The following ANHX variants were observed in gnomAD, a reference collection of about 807,000 sequenced individuals.
The protein encoded by ANHX is anomalous homeobox protein.
ANHX carries 20 observed loss-of-function variants against 38.9 expected under a neutral mutation model. The ratio of observed to expected loss-of-function variants is 0.51; its 90% CI spans 0.36 to 0.75. ANHX has a LOEUF of 0.75. ANHX is among the 30% of genes least tolerant of loss of function. The pLI, the probability that ANHX is intolerant of heterozygous loss-of-function variation, is 0.00. For missense variants in ANHX, 475 were observed against 493.1 expected (o/e 0.96, Z 0.35); for synonymous variants, 185 against 203.1 (o/e 0.91, Z 0.76).
intron 4 of ANHX, 108 bp from the exon 5 acceptor site, chr12:133,227,260 C>A: frequency 8.4e-7 from 1 of 1,192,764 alleles, no homozygotes. Flanking sequence ...GGGTGACAGC[C>A]CAGCCTAACC....
chr12:133,235,181 C>T (rs1957349807), intron 1 of ANHX: 1 of 152,286 alleles, frequency 6.6e-6, no homozygotes, highest in African/African-American at 2.4e-5. Context: ...TTCCAGCTGC[C>T]ACAGTGGGCA....
At chr12:133,222,019 G>T (rs1957114417) in intron 7 of ANHX, among the ~76,000 whole-genome samples, 1 of 152,152 alleles carries the variant, frequency 6.6e-6, no homozygotes, top group Non-Finnish European at 1.5e-5. Flanking sequence ...GCCTGGGGGT[G>T]AGGCTCATGT....
At chr12:133,227,258 GC>G in intron 4 of ANHX, 106 bp from the exon 5 acceptor site, 1 of 1,256,532 alleles carries the variant, frequency 8.0e-7, no homozygotes, top group Non-Finnish European at 1.1e-6. Flanking sequence ...GGGGGTGACA[GC>G]CCAGCCTAAC....
intron 3 of ANHX, 95 bp from the exon 4 acceptor site, chr12:133,228,042 T>G: frequency 7.1e-7 from 1 of 1,409,736 alleles, no homozygotes. Flanking sequence ...TGACACTTCC[T>G]TCCCTGTGCC....
Position 133,231,647 on chromosome 12 carries a change from G to A in ANHX, c.250-3C>T, listed in dbSNP as rs1397272324. The A allele has an allele frequency of 3.3e-6, 5 of 1,535,942 alleles. No individual in the cohort carries two copies. The Admixed American group carries it at 9.8e-5, about 30-fold the overall frequency. ...CTGCCTCCCGGCACCTGGCACCCCT[G>A]CCAAGAAGAGTGTACTGAGCCCTGG... On this transcript the variant is annotated splice_region_variant and splice_polypyrimidine_tract_variant and intron_variant, in intron 2 of 9. Transcript: ENST00000545940.
rs919994401 is a variant in ANHX at position 133,235,340 on chromosome 12, A to G, written c.-23+467T>C. On this transcript the variant is annotated intron_variant, in intron 1 of 9. Transcript: ENST00000545940. The stretch of plus-strand genomic sequence containing the variant: ...GGGTTCCTGCCACTTCAGGAAGGAA[A>G]AAGGTTCCTGTGGGGTACCTTGGCC... 4 of 152,262 alleles carry G rather than the reference A, an allele frequency of 2.6e-5. No homozygotes were observed. The East Asian group carries it at 7.8e-4, about 30-fold the overall frequency. The allele number at this position is 152,262 out of a possible 1,614,324, so 9.4% of individuals were successfully genotyped here.
At chr12:133,226,275 C>G (rs1697759305) in intron 6 of ANHX, 43 bp downstream of exon 6, 6 of 1,536,144 alleles carry the variant, frequency 3.9e-6, no homozygotes, top group Non-Finnish European at 4.4e-6. Context: ...GGAAAGGGAA[C>G]TGAATAGGTG....
chr12:133,225,154 C>A (rs1957172567), intron 7 of ANHX, among the ~76,000 whole-genome samples: 1 of 152,150 alleles, frequency 6.6e-6, no homozygotes, highest in Non-Finnish European at 1.5e-5. Flanking sequence ...ATCATGGGAT[C>A]TCTACTACAG....
chr12:133,233,563 C>T (rs1232726069), intron 2 of ANHX, among the ~76,000 whole-genome samples: 2 of 152,178 alleles, frequency 1.3e-5, no homozygotes, highest in African/African-American at 4.8e-5. Context: ...ATCCTGTCAT[C>T]AAGCATACTC....
In ANHX at chr12:133,232,628, G is replaced by A. The variant is rs545662009; in HGVS notation, c.250-984C>T. Among the ~76,000 whole-genome samples, 4 of 152,260 alleles carry A rather than the reference G, an allele frequency of 2.6e-5. No individual in the cohort carries two copies. In the South Asian group the frequency reaches 6.2e-4, roughly 24 times the overall value. On this transcript the variant is annotated intron_variant, in intron 2 of 9. Coordinates refer to ENST00000545940, the MANE Select transcript of ANHX (RefSeq NM_001372060.1). ...GTGGTGGTCCCTTCATGCCTCCCAG[G>A]TCTCAGCCGCAAGTCACCTCCTCAG...
Position 133,218,982 on chromosome 12 carries a change from AC to A in ANHX, c.1366-12del. ...ATCAGAACACTGCACCTGGAAGACAACACAGTGGTAAACACAGAGGCTTCCT... is the reference window on the plus strand; with the variant it reads ...ATCAGAACACTGCACCTGGAAGACAAACAGTGGTAAACACAGAGGCTTCCT... On this transcript the variant is annotated splice_polypyrimidine_tract_variant and intron_variant, in intron 9 of 9. Transcript: ENST00000545940. The A allele has an allele frequency of 6.5e-7, 1 of 1,530,972 alleles. No homozygotes were observed. The highest frequency in any genetic ancestry group is 2.5e-5 in the East Asian group (1 of 40,778). The allele number at this position is 1,530,972 out of a possible 1,614,324, so 94.8% of individuals were successfully genotyped here. A position where few individuals can be genotyped will look rare whatever the true frequency, so the allele number is the denominator to read the frequency against.
At chr12:133,224,894 G>T (rs1262047052) in intron 7 of ANHX, among the ~76,000 whole-genome samples, 1 of 150,340 alleles carries the variant, frequency 6.7e-6, no homozygotes, top group Non-Finnish European at 1.5e-5. Flanking sequence ...GTGAACCTGG[G>T]AGGAGGAGGT....
intron 3 of ANHX, among the ~76,000 whole-genome samples, chr12:133,228,658 C>T (rs1287163038): frequency 6.6e-6 from 1 of 152,210 alleles, no homozygotes; most frequent in Non-Finnish European, 1.5e-5. Flanking sequence ...TTCTGCACTC[C>T]CCAAATGCCT....
chr12:133,220,981 T>C (rs1957101326), intron 8 of ANHX, among the ~76,000 whole-genome samples: 4 of 152,220 alleles, frequency 2.6e-5, no homozygotes. Flanking sequence ...TCATGTCCAA[T>C]GCATGGGATG....
At chr12:133,224,890 C>T (rs1182238953) in intron 7 of ANHX, among the ~76,000 whole-genome samples, 2 of 149,078 alleles carry the variant, frequency 1.3e-5, no homozygotes, top group Non-Finnish European at 3.0e-5. Context: ...TGGCGTGAAC[C>T]TGGGAGGAGG....
At chr12:133,231,039 C>A (rs372417195) in intron 3 of ANHX, among the ~76,000 whole-genome samples, 1 of 152,184 alleles carries the variant, frequency 6.6e-6, no homozygotes, top group African/African-American at 2.4e-5. Flanking sequence ...ACATTCTCAC[C>A]CTTAACTCTT....
intron 8 of ANHX, among the ~76,000 whole-genome samples, chr12:133,220,498 C>G (rs1232090429): frequency 6.6e-6 from 1 of 152,204 alleles, no homozygotes; most frequent in Non-Finnish European, 1.5e-5. Flanking sequence ...AGGGGCTGCT[C>G]CGCCTTTTCT....
chr12:133,231,321 C>T (rs1220532990), intron 3 of ANHX, among the ~76,000 whole-genome samples, 196 bp downstream of exon 3: 1 of 152,164 alleles, frequency 6.6e-6, no homozygotes, highest in Non-Finnish European at 1.5e-5. Flanking sequence ...AGCTCAGTGA[C>T]CAGCATCCAG....
At chr12:133,233,934 G>T (rs142626133) in intron 2 of ANHX, among the ~76,000 whole-genome samples, 174 bp downstream of exon 2, 223 of 152,320 alleles carry the variant, frequency 1.5e-3, no homozygotes, top group African/African-American at 5.0e-3. Context: ...ATGTGAGAGC[G>T]GAGTAAGGTT....
Sources: allele counts gnomAD v4.1 joint callset (sites outside exome capture counted in the v4.1 genomes callset), GRCh38; gene constraint gnomAD v4.1.1; transcripts MANE v1.5; gene names NCBI Gene and HGNC (gene_info 2026-07-23, HGNC 2026-07-21).